Variants in CSN2 observed in about 807,000 individuals in gnomAD.
The protein encoded by CSN2 is casein beta.
In CSN2, 27 loss-of-function variants were observed where a neutral mutation model predicts 27.3. The observed-to-expected ratio is 0.99, with a 90% CI of 0.73 to 1.36. The LOEUF (loss-of-function observed/expected upper bound fraction) is 1.36. CSN2 is among the 40% of genes most tolerant of loss of function. The pLI, the probability that CSN2 is intolerant of heterozygous loss-of-function variation, is 0.00. For missense variants in CSN2, 333 were observed against 264.5 expected (o/e 1.26, Z -1.80); for synonymous variants, 131 against 94.8 (o/e 1.38, Z -2.22).
chr4:69,962,691 TA>T (rs1288732761), intron 1 of CSN2, among the ~76,000 whole-genome samples: 36 of 152,280 alleles, frequency 2.4e-4, no homozygotes. Flanking sequence ...ACTTCATGTG[TA>T]AAAGACCAAA....
intron 2 of CSN2, 22 bp downstream of exon 2, chr4:69,960,923 G>C (rs374478021): frequency 4.5e-5 from 72 of 1,608,708 alleles, no homozygotes; most frequent in Non-Finnish European, 6.0e-5. Flanking sequence ...GATTGTTTAG[G>C]AATTTTTTCT....
At chr4:69,960,294 C>A (rs564604850) in intron 2 of CSN2, among the ~76,000 whole-genome samples, 1 of 152,038 alleles carries the variant, frequency 6.6e-6, no homozygotes, top group African/African-American at 2.4e-5. Flanking sequence ...TTATGCAGAG[C>A]TATCTCTTTC....
chr4:69,958,813 TATC>T (rs2109743424), intron 5 of CSN2, 93 bp downstream of exon 5: 1 of 793,334 alleles, frequency 1.3e-6, no homozygotes, highest in Non-Finnish European at 1.9e-6. Flanking sequence ...TTTATTTTAT[TATC>T]ATTCTTTAGA....
chr4:69,957,241 A>G (rs1723425672), intron 6 of CSN2, 33 bp downstream of exon 6: 2 of 1,503,816 alleles, frequency 1.3e-6, no homozygotes, highest in Non-Finnish European at 1.8e-6. Context: ...CACATCTTGA[A>G]TGAAACAGCA....
At position 69,957,569 on chromosome 4, in the gene CSN2, T is replaced by G. The variant is rs1387404031; in HGVS notation, c.380A>C (p.Asp127Ala). 6.2e-7 allele frequency: 1 copy of G among 1,613,378 alleles called. No homozygotes were observed. The highest frequency in any genetic ancestry group is 1.3e-5 in the African/African-American group (1 of 74,752). The change falls in exon 6 of 8, where the codon GAC becomes GCC. Residue 127 changes from aspartate to alanine, a missense_variant. Asp to Ala is a moderately radical substitution (Grantham distance 126). Transcript: ENST00000353151. ...VLKSPTIPFF[D>A]PQIPKLTDLE... ...ATCAGTGAGTTTTGGGATTTGAGGG[T>G]CAAAAAAGGGTATCGTTGGAGATTT...
At chr4:69,956,053 C>A (rs1723387069) in intron 7 of CSN2, among the ~76,000 whole-genome samples, 1 of 151,826 alleles carries the variant, frequency 6.6e-6, no homozygotes, top group Non-Finnish European at 1.5e-5. Context: ...TAGTGATAAT[C>A]AAATGTAAGT....
At position 69,955,559 on chromosome 4, in the gene CSN2, G is replaced by A. The variant is rs964129017; in HGVS notation, c.*70C>T. 8 of 152,374 alleles carry A rather than the reference G, an allele frequency of 5.3e-5. No homozygotes were observed. The highest frequency in any genetic ancestry group is 1.4e-4 in the African/African-American group (6 of 41,390). The allele number at this position is 152,374 out of a possible 1,614,324, so 9.4% of individuals were successfully genotyped here. Reference sequence around the variant, plus strand: ...ATTTGGGGTAACGTGATACAAAGACGGAAAAGGCATCATATTTCCAGTCTC... The same window carrying A: ...ATTTGGGGTAACGTGATACAAAGACAGAAAAGGCATCATATTTCCAGTCTC... On this transcript the variant is annotated 3_prime_UTR_variant, in exon 8 of 8. Coordinates refer to ENST00000353151, the MANE Select transcript of CSN2 (RefSeq NM_001891.4).
At chr4:69,962,192 T>C (rs373539691) in intron 1 of CSN2, among the ~76,000 whole-genome samples, 4 of 152,122 alleles carry the variant, frequency 2.6e-5, no homozygotes, top group Non-Finnish European at 5.9e-5. Context: ...CCATCCCCAT[T>C]AAGCTACCAA....
At chr4:69,962,303 T>C (rs993510788) in intron 1 of CSN2, among the ~76,000 whole-genome samples, 1 of 152,236 alleles carries the variant, frequency 6.6e-6, no homozygotes, top group South Asian at 2.1e-4. Flanking sequence ...AGAACAAAGC[T>C]GGAGGCATCA....
intron 6 of CSN2, 111 bp downstream of exon 6, chr4:69,957,163 A>G (rs1171226264): frequency 7.1e-6 from 8 of 1,130,062 alleles, no homozygotes; most frequent in African/African-American, 1.6e-5. Context: ...TAATAAAAGA[A>G]TCACTTATCT....
At position 69,957,227 on chromosome 4, in the gene CSN2, C is replaced by T. The variant is rs368477153; in HGVS notation, c.675+47G>A. 50 of 1,462,572 alleles carry T rather than the reference C, an allele frequency of 3.4e-5. 1 individual carries two copies. In the Middle Eastern group the frequency reaches 7.2e-4, roughly 21 times the overall value. The allele number at this position is 1,462,572 out of a possible 1,614,324, so 90.6% of individuals were successfully genotyped here. A position where few individuals can be genotyped will look rare whatever the true frequency, so the allele number is the denominator to read the frequency against. On this transcript the variant is annotated intron_variant, in intron 6 of 7. Coordinates refer to ENST00000353151, the MANE Select transcript of CSN2 (RefSeq NM_001891.4). The stretch of plus-strand genomic sequence containing the variant: ...CATTTATTCTTTTATTCTACCATCA[C>T]ATACACATCTTGAATGAAACAGCAA...
chr4:69,964,537 A>G (rs892684599), intron 1 of CSN2, among the ~76,000 whole-genome samples: 4 of 151,886 alleles, frequency 2.6e-5, no homozygotes, highest in African/African-American at 4.8e-5. Context: ...ACATAATTCT[A>G]TTACAGAAAA....
chr4:69,959,559 A>T (rs1341602960), intron 3 of CSN2, among the ~76,000 whole-genome samples: 1 of 151,884 alleles, frequency 6.6e-6, no homozygotes, highest in African/African-American at 2.4e-5. Flanking sequence ...TATCTACCTG[A>T]CTCTCTCAGG....
At chr4:69,962,502 T>C (rs866297537) in intron 1 of CSN2, among the ~76,000 whole-genome samples, 43 of 152,120 alleles carry the variant, frequency 2.8e-4, no homozygotes, top group African/African-American at 9.7e-4. Context: ...CCCTATTTAA[T>C]AAATGGTGCT....
At position 69,957,729 on chromosome 4, in the gene CSN2, A is replaced by AG. The variant is rs2109742429; in HGVS notation, c.219dup (p.Tyr74LeufsTer24). On this transcript the variant is annotated frameshift_variant, in exon 6 of 8. Coordinates refer to ENST00000353151, the MANE Select transcript of CSN2 (RefSeq NM_001891.4). LOFTEE classifies it high-confidence loss of function. ...AGAATGTTTTGTGGAAGAAAACCAT[A>AG]GGGGATAGGTTCAACGAATGGATAG... The AG allele has an allele frequency of 6.2e-7, 1 of 1,613,974 alleles. No homozygotes were observed. Among genetic ancestry groups the AG allele is most frequent in the Admixed American group, 1.7e-5 (1 of 59,944 alleles).
At chr4:69,961,926 A>T (rs997642543) in intron 1 of CSN2, among the ~76,000 whole-genome samples, 23 of 152,074 alleles carry the variant, frequency 1.5e-4, no homozygotes, top group Admixed American at 4.6e-4. Flanking sequence ...ACAAGCATTC[A>T]TATACACCAA....
chr4:69,955,871 C>T (rs1298859169), intron 7 of CSN2, among the ~76,000 whole-genome samples: 2 of 151,884 alleles, frequency 1.3e-5, no homozygotes, highest in Admixed American at 1.3e-4. Context: ...CTCTTTTTAA[C>T]CTTTACACTT....
chr4:69,956,337 C>T lies in CSN2; in HGVS notation c.*13G>A. 7.1e-7 allele frequency: 1 copy of T among 1,409,818 alleles called. No homozygotes were observed. Among genetic ancestry groups the T allele is most frequent in the Non-Finnish European group, 9.4e-7 (1 of 1,064,926 alleles). 87.3% of individuals were successfully genotyped at this position (1,409,818 alleles called of 1,614,324 possible). ...ACCAAAAATAAGGAGGGAAAATTAA[C>T]TTTGAAATCTTCTTAGACCTTAAAA... On this transcript the variant is annotated 3_prime_UTR_variant, in exon 7 of 8. Transcript: ENST00000353151.
rs141152689 is a variant in CSN2 at position 69,957,450 on chromosome 4, G to A, written c.499C>T (p.Pro167Ser). 5.7e-5 allele frequency: 92 copies of A among 1,613,766 alleles called. No homozygotes were observed. The African/African-American group carries it at 1.0e-3, about 18-fold the overall frequency. ...TTGGGCTGAGGAACAGACCACAGGGGCTGAGGGGGAAGTGCAAGAGTCTGA... is the reference window on the plus strand; with the variant it reads ...TTGGGCTGAGGAACAGACCACAGGGACTGAGGGGGAAGTGCAAGAGTCTGA... ...IPQTLALPPQPLWSVPQPKVL... is the reference protein window; with the variant it reads ...IPQTLALPPQSLWSVPQPKVL... The change falls in exon 6 of 8, where the codon CCC becomes TCC. Residue 167 changes from proline to serine, a missense_variant. By Grantham distance (74) the Pro-to-Ser change is moderately conservative. Transcript: ENST00000353151.
Sources: gnomAD v4.1 joint callset for allele counts (sites outside exome capture counted in the v4.1 genomes callset) on GRCh38, gnomAD v4.1.1 for gene constraint, MANE v1.5 for transcripts, NCBI Gene and HGNC (gene_info 2026-07-23, HGNC 2026-07-21) for gene names.